TMEM114: variants seen among roughly 807,000 people sequenced by gnomAD.
The protein encoded by TMEM114 is transmembrane protein 114.
TMEM114 carries 6 observed loss-of-function variants against 6.2 expected under a neutral mutation model. The observed-to-expected ratio is 0.97, with a 90% confidence interval of 0.53 to 1.91. The LOEUF is 1.91. Among genes scored for constraint, TMEM114 ranks in the 40% most tolerant of loss-of-function variants. The probability of loss-of-function intolerance (pLI) is 0.01; values close to 1 mark genes in which losing one functional copy is unlikely to be tolerated. For missense variants in TMEM114, 218 were observed against 158.3 expected (o/e 1.38, Z -2.02); for synonymous variants, 104 against 73.0 (o/e 1.42, Z -2.16).
At chr16:8,561,047 C>T (rs146328628) in intron 2 of TMEM114, among the ~76,000 whole-genome samples, 3 of 152,296 alleles carry the variant, frequency 2.0e-5, no homozygotes, top group Admixed American at 6.5e-5. Flanking sequence ...AAGACTTATT[C>T]GCTACCACGA....
intron 2 of TMEM114, among the ~76,000 whole-genome samples, chr16:8,587,874 G>A (rs1310222525): frequency 6.6e-6 from 1 of 151,448 alleles, no homozygotes; most frequent in Non-Finnish European, 1.5e-5. Context: ...AGAAGGCCAG[G>A]CACAGTGGCT....
At chr16:8,544,303 C>T (rs1900597286) in intron 2 of TMEM114, among the ~76,000 whole-genome samples, 1 of 152,154 alleles carries the variant, frequency 6.6e-6, no homozygotes, top group South Asian at 2.1e-4. Context: ...AACGAATACT[C>T]AACAAATGTT....
At chr16:8,529,127 C>T in the TMEM114 span, among the ~76,000 whole-genome samples, 1 of 152,204 alleles carries the variant, frequency 6.6e-6, no homozygotes, top group Admixed American at 6.5e-5. Flanking sequence ...GAGATTGCAG[C>T]TGGCTAGGGT....
chr16:8,527,236 TCCC>T, the TMEM114 span, among the ~76,000 whole-genome samples: 1 of 151,992 alleles, frequency 6.6e-6, no homozygotes, highest in Non-Finnish European at 1.5e-5. Flanking sequence ...AAATAACTAT[TCCC>T]TCACTGCTCA....
intron 2 of TMEM114, among the ~76,000 whole-genome samples, chr16:8,564,220 AGTGAATGAGTGAGTT>A (rs1901426696): frequency 3.5e-5 from 1 of 28,258 alleles, no homozygotes; most frequent in Admixed American, 3.7e-4. Context: ...TGAGTGAGTT[AGTGAATGAGTGAGTT>A]AGTGAATGAG....
At chr16:8,577,733 G>A (rs1434052452) in intron 2 of TMEM114, among the ~76,000 whole-genome samples, 6 of 151,616 alleles carry the variant, frequency 4.0e-5, no homozygotes, top group Admixed American at 6.6e-5. Flanking sequence ...ATAGGCGCCC[G>A]CCATCCCTCC....
intron 2 of TMEM114, among the ~76,000 whole-genome samples, chr16:8,579,662 C>A (rs549888042): frequency 2.0e-5 from 3 of 152,260 alleles, no homozygotes; most frequent in East Asian, 1.9e-4. Flanking sequence ...TGGACTCTGA[C>A]CTTGCAGAGT....
chr16:8,547,229 G>A (rs1321639443), intron 2 of TMEM114, among the ~76,000 whole-genome samples: 1 of 152,076 alleles, frequency 6.6e-6, no homozygotes, highest in African/African-American at 2.4e-5. Context: ...GCAGCTGTGT[G>A]GAGGATGAGG....
chr16:8,554,898 C>G (rs952207646), intron 2 of TMEM114, among the ~76,000 whole-genome samples: 54 of 152,206 alleles, frequency 3.5e-4, no homozygotes, highest in Admixed American at 2.4e-3. Context: ...CGTACCACAG[C>G]TGGGTGTTCA....
intron 2 of TMEM114, among the ~76,000 whole-genome samples, chr16:8,581,315 C>T (rs573662176): frequency 2.0e-4 from 30 of 152,192 alleles, no homozygotes; most frequent in African/African-American, 6.5e-4. Flanking sequence ...TATAATATTC[C>T]ACAACATGAA....
chr16:8,566,370 C>A (rs1901545715), downstream of TMEM114, among the ~76,000 whole-genome samples: 3 of 67,982 alleles, frequency 4.4e-5, no homozygotes, highest in South Asian at 5.1e-4. Context: ...GAGCTAGACG[C>A]AGTCTCAAAA....
downstream of TMEM114, among the ~76,000 whole-genome samples, chr16:8,535,807 G>A (rs1324577542): frequency 1.3e-5 from 2 of 152,164 alleles, no homozygotes; most frequent in African/African-American, 4.8e-5. Flanking sequence ...TGCTGCCTGG[G>A]GTGTGTGGAA....
intron 2 of TMEM114, among the ~76,000 whole-genome samples, chr16:8,582,293 A>C (rs1295838776): frequency 1.4e-5 from 2 of 144,256 alleles, no homozygotes; most frequent in Admixed American, 1.4e-4. Flanking sequence ...TAAGACATAG[A>C]AAAAAAAAAC....
chr16:8,569,808 G>C lies in TMEM114; in HGVS notation c.637C>G (p.Leu213Val). ...TGGTCCTGCCTCCGTCTCAGGCTGAGCTCGCGGGCTGCTGCCAGGAAGGCT... is the reference window on the plus strand; with the variant it reads ...TGGTCCTGCCTCCGTCTCAGGCTGACCTCGCGGGCTGCTGCCAGGAAGGCT... ...GAAFLAAARE[L>V]SLRRRQDQAI Residue 213 changes from leucine to valine, a missense_variant, in exon 4 of 4, where the codon CTC (leucine) becomes GTC (valine). Transcript: ENST00000620492. 2 of 1,550,824 alleles carry C rather than the reference G, an allele frequency of 1.3e-6. No homozygotes were observed. Among genetic ancestry groups the C allele is most frequent in the East Asian group, 4.9e-5 (2 of 40,896 alleles).
chr16:8,547,752 C>T (rs1454221724), intron 2 of TMEM114, among the ~76,000 whole-genome samples: 2 of 152,114 alleles, frequency 1.3e-5, no homozygotes, highest in African/African-American at 4.8e-5. Context: ...AGGAGGAGGT[C>T]CTTGCGTGGC....
intron 2 of TMEM114, among the ~76,000 whole-genome samples, chr16:8,583,904 G>A (rs560089479): frequency 1.3e-5 from 2 of 152,284 alleles, no homozygotes; most frequent in Non-Finnish European, 2.9e-5. Flanking sequence ...ACCCTTATCT[G>A]TGGAGCTGAT....
At chr16:8,538,063 C>A (rs1900412632) in intron 2 of TMEM114, among the ~76,000 whole-genome samples, 1 of 130,908 alleles carries the variant, frequency 7.6e-6, no homozygotes, top group South Asian at 2.5e-4. Flanking sequence ...CTTTGTGAGG[C>A]CAGGGCAGGT....
At chr16:8,562,154 A>G (rs56651576) in intron 2 of TMEM114, among the ~76,000 whole-genome samples, 19,619 of 139,030 alleles carry the variant, frequency 0.14, 1,471 homozygotes, top group Middle Eastern at 0.25. Context: ...GTTAGTGAAT[A>G]AGTGAGTTAG....
intron 2 of TMEM114, among the ~76,000 whole-genome samples, chr16:8,559,982 T>C (rs1272610729): frequency 6.6e-6 from 1 of 152,112 alleles, no homozygotes; most frequent in Non-Finnish European, 1.5e-5. Flanking sequence ...TGGAAACTTC[T>C]GGCTAATGAT....
Sources: gnomAD v4.1 joint callset for allele counts (sites outside exome capture counted in the v4.1 genomes callset) on GRCh38, gnomAD v4.1.1 for gene constraint, MANE v1.5 for transcripts, NCBI Gene and HGNC (gene_info 2026-07-23, HGNC 2026-07-21) for gene names.